The following SPOCK3 variants were observed in gnomAD, a reference collection of about 807,000 sequenced individuals.
SPOCK3 encodes testican-3.
In SPOCK3, 30 loss-of-function variants were observed where a neutral mutation model predicts 56.6. That is an observed-to-expected ratio of 0.53 (90% CI 0.40 to 0.72). SPOCK3 has a LOEUF of 0.72. Among genes scored for constraint, SPOCK3 ranks in the 30% least tolerant of loss-of-function variants. The pLI, the probability that SPOCK3 is intolerant of heterozygous loss-of-function variation, is 0.00. For synonymous variants in SPOCK3, 196 were observed against 183.3 expected, an observed-to-expected ratio of 1.07 and a Z score of -0.56; for missense variants, 527 against 530.0, an observed-to-expected ratio of 0.99 and a Z score of 0.06.
intron 4 of SPOCK3, among the ~76,000 whole-genome samples, chr4:166,952,777 C>A (rs995873762): frequency 6.6e-6 from 1 of 152,100 alleles, no homozygotes; most frequent in Admixed American, 6.5e-5. Context: ...AGAAATGACG[C>A]CACATATCTA....
intron 2 of SPOCK3, among the ~76,000 whole-genome samples, chr4:167,153,231 C>T (rs570605232): frequency 9.2e-5 from 14 of 152,214 alleles, no homozygotes; most frequent in Admixed American, 1.3e-4. Flanking sequence ...TGCTCTTTGC[C>T]CTCCATGAGG....
At chr4:166,818,498 T>C (rs1744600602) in intron 6 of SPOCK3, among the ~76,000 whole-genome samples, 1 of 152,060 alleles carries the variant, frequency 6.6e-6, no homozygotes, top group Non-Finnish European at 1.5e-5. Context: ...TGATTAAGTG[T>C]AACTTACTTT....
Position 166,878,312 on chromosome 4 carries a change from T to C in SPOCK3, c.589+10818A>G, listed in dbSNP as rs191964891. Reference sequence around the variant, plus strand: ...ATTGAAACAAAGTTATAAACAACACTTCTAAGGAGAGAAAAATAAATGATG... The same window carrying C: ...ATTGAAACAAAGTTATAAACAACACCTCTAAGGAGAGAAAAATAAATGATG... On this transcript the variant is annotated intron_variant, in intron 6 of 10. Transcript: ENST00000357545. Among the ~76,000 whole-genome samples the C allele has an allele frequency of 2.0e-5, 3 of 152,042 alleles. No individual in the cohort carries two copies. The East Asian group carries it at 5.8e-4, about 30-fold the overall frequency.
intron 2 of SPOCK3, among the ~76,000 whole-genome samples, chr4:167,171,179 AAAG>A (rs753082984): frequency 5.9e-5 from 9 of 152,170 alleles, no homozygotes; most frequent in Non-Finnish European, 1.0e-4. Context: ...ATAAATGAGG[AAAG>A]AAGGGCTTAT....
chr4:166,949,300 A>G (rs1325113046), intron 4 of SPOCK3, among the ~76,000 whole-genome samples: 2 of 152,058 alleles, frequency 1.3e-5, no homozygotes, highest in Non-Finnish European at 2.9e-5. Context: ...TTCCTCCTGT[A>G]GCTTGTAGTT....
intron 7 of SPOCK3, among the ~76,000 whole-genome samples, chr4:166,770,463 A>T (rs1738780953): frequency 6.6e-6 from 1 of 152,196 alleles, no homozygotes; most frequent in Non-Finnish European, 1.5e-5. Flanking sequence ...TCCATTTGCC[A>T]TGTAATATAT....
chr4:166,906,168 T>C (rs1293286210), intron 5 of SPOCK3, among the ~76,000 whole-genome samples: 5 of 152,002 alleles, frequency 3.3e-5, no homozygotes, highest in Non-Finnish European at 7.4e-5. Context: ...AGCATTAAGG[T>C]ACAACAAATT....
intron 7 of SPOCK3, among the ~76,000 whole-genome samples, chr4:166,780,276 C>A (rs1222709853): frequency 6.6e-6 from 1 of 152,074 alleles, no homozygotes; most frequent in Non-Finnish European, 1.5e-5. Flanking sequence ...AAGAAAAATT[C>A]AATTTATATT....
intron 4 of SPOCK3, among the ~76,000 whole-genome samples, chr4:166,943,938 G>T (rs1741411617): frequency 6.6e-6 from 1 of 152,156 alleles, no homozygotes; most frequent in Non-Finnish European, 1.5e-5. Flanking sequence ...TTGAGGTCAG[G>T]AGTTCAAGAC....
intron 4 of SPOCK3, among the ~76,000 whole-genome samples, chr4:166,971,525 G>A (rs1329506144): frequency 6.6e-6 from 1 of 151,848 alleles, no homozygotes; most frequent in African/African-American, 2.4e-5. Context: ...AGAAGAGAAA[G>A]TATTTTTTCA....
chr4:166,841,565 G>A (rs945990070), intron 6 of SPOCK3, among the ~76,000 whole-genome samples: 2 of 152,084 alleles, frequency 1.3e-5, no homozygotes, highest in African/African-American at 4.8e-5. Flanking sequence ...TTATTTTTGT[G>A]TCTGTCACTT....
At chr4:166,994,028 A>T (rs749224314) in intron 4 of SPOCK3, among the ~76,000 whole-genome samples, 2 of 152,142 alleles carry the variant, frequency 1.3e-5, no homozygotes, top group Non-Finnish European at 2.9e-5. Context: ...CAGACTTCAA[A>T]GCTAGTCCGT....
chr4:167,079,906 C>A (rs1757557986), intron 2 of SPOCK3, among the ~76,000 whole-genome samples: 1 of 151,970 alleles, frequency 6.6e-6, no homozygotes, highest in Admixed American at 6.6e-5. Flanking sequence ...CTGTGCCTAC[C>A]AGTTTCAGGG....
At chr4:166,919,035 T>C (rs1738199187) in intron 4 of SPOCK3, among the ~76,000 whole-genome samples, 1 of 152,224 alleles carries the variant, frequency 6.6e-6, no homozygotes, top group Admixed American at 6.5e-5. Context: ...CAGAAGCAGA[T>C]GCTGGCACCT....
intron 6 of SPOCK3, among the ~76,000 whole-genome samples, chr4:166,838,372 G>A (rs1279647512): frequency 6.6e-6 from 1 of 151,568 alleles, no homozygotes; most frequent in African/African-American, 2.4e-5. Flanking sequence ...TTTTGTTTTG[G>A]TTTATTTACT....
intron 2 of SPOCK3, among the ~76,000 whole-genome samples, chr4:167,170,939 G>A (rs987075973): frequency 2.0e-5 from 3 of 152,066 alleles, no homozygotes; most frequent in Admixed American, 2.0e-4. Flanking sequence ...TCAGTTCTAA[G>A]GGCTCATGAT....
chr4:166,867,938 A>G (rs1184802491), intron 6 of SPOCK3, among the ~76,000 whole-genome samples: 1 of 151,934 alleles, frequency 6.6e-6, no homozygotes, highest in African/African-American at 2.4e-5. Context: ...ATATGTATAT[A>G]GTATATGTAT....
chr4:167,125,289 T>C (rs1762179642), intron 2 of SPOCK3, among the ~76,000 whole-genome samples: 1 of 149,782 alleles, frequency 6.7e-6, no homozygotes, highest in Non-Finnish European at 1.5e-5. Flanking sequence ...TGGTAGAATC[T>C]AGAAAAGTGC....
intron 6 of SPOCK3, among the ~76,000 whole-genome samples, chr4:166,797,353 T>C (rs1356072821): frequency 6.6e-6 from 1 of 150,596 alleles, no homozygotes; most frequent in African/African-American, 2.4e-5. Flanking sequence ...CTTTATTTGA[T>C]CTTTTTTATT....
Sources: allele counts gnomAD v4.1 joint callset (sites outside exome capture counted in the v4.1 genomes callset), GRCh38; gene constraint gnomAD v4.1.1; transcripts MANE v1.5; gene names NCBI Gene and HGNC (gene_info 2026-07-23, HGNC 2026-07-21).